Variants in CTU2 observed in about 807,000 individuals in gnomAD.
The protein encoded by CTU2 is cytoplasmic tRNA 2-thiolation protein 2.
A neutral mutation model predicts 64.1 loss-of-function variants in CTU2; 80 were observed. That is an observed-to-expected ratio of 1.25 (90% CI 1.04 to 1.50). The LOEUF (loss-of-function observed/expected upper bound fraction) is 1.50, where lower values mean the gene tolerates loss of function less well. CTU2 is among the 40% of genes most tolerant of loss of function. CTU2 has a pLI of 0.00. For synonymous variants in CTU2, 482 were observed against 285.3 expected, an observed-to-expected ratio of 1.69 and a Z score of -6.95; for missense variants, 1,110 against 690.2, an observed-to-expected ratio of 1.61 and a Z score of -6.81.
chr16:88,715,300 C>G lies in CTU2; in HGVS notation c.*49C>G, dbSNP rs1414222558. On this transcript the variant is annotated 3_prime_UTR_variant, in exon 15 of 15. Coordinates refer to ENST00000453996, the MANE Select transcript of CTU2 (RefSeq NM_001012759.3). ...CAGCAGGCAGTGGCCACCTGGTACACCACACTGGAGCCGGAAGGCAAGGAC... is the reference window on the plus strand; with the variant it reads ...CAGCAGGCAGTGGCCACCTGGTACAGCACACTGGAGCCGGAAGGCAAGGAC... The G allele has an allele frequency of 7.6e-6, 12 of 1,584,692 alleles. No homozygotes were observed. The highest frequency in any genetic ancestry group is 8.6e-6 in the Non-Finnish European group (10 of 1,163,732).
intron 1 of CTU2, 46 bp downstream of exon 1, chr16:88,706,644 G>T: frequency 1.5e-6 from 2 of 1,313,506 alleles, no homozygotes; most frequent in South Asian, 3.4e-5. Flanking sequence ...TCGCCTTCCC[G>T]CCGCACTCCT....
intron 8 of CTU2, 30 bp downstream of exon 8, chr16:88,713,477 C>T (rs200950022): frequency 1.3e-6 from 2 of 1,561,032 alleles, no homozygotes; most frequent in Non-Finnish European, 1.7e-6. Flanking sequence ...TTCAGGAGGC[C>T]CATCCTCACC....
intron 2 of CTU2, chr16:88,709,510 C>T (rs111915880): frequency 0.024 from 4,032 of 169,896 alleles, 158 homozygotes; most frequent in African/African-American, 0.09. Flanking sequence ...CTCGCTGTGG[C>T]CCGCTCCATT....
Position 88,711,709 on chromosome 16 carries a change from T to G in CTU2, c.343+14T>G, listed in dbSNP as rs1911334956. 6.2e-7 allele frequency: 1 copy of G among 1,606,396 alleles called. No individual in the cohort carries two copies. Among genetic ancestry groups the G allele is most frequent in the Non-Finnish European group, 8.5e-7 (1 of 1,174,890 alleles). On this transcript the variant is annotated intron_variant, in intron 5 of 14. Transcript: ENST00000453996. ...TCTTTGTTGACGGTATGTGGGGCCA[T>G]TGCTCCTCCTAGTCCCTGGCCACTT...
chr16:88,707,335 T>G (rs924210458), intron 2 of CTU2, 125 bp downstream of exon 2: 1 of 914,668 alleles, frequency 1.1e-6, no homozygotes, highest in African/African-American at 1.6e-5. Flanking sequence ...CTGCTCCTGA[T>G]GGGGTCCCTC....
At chr16:88,713,854 A>G (rs1911603350) in intron 9 of CTU2, 76 bp downstream of exon 9, 2 of 1,578,480 alleles carry the variant, frequency 1.3e-6, no homozygotes, top group Non-Finnish European at 1.7e-6. Context: ...AGCCTCTCAC[A>G]GGCTCAGGTC....
chr16:88,715,380 A>C lies in CTU2; in HGVS notation c.*129A>C, dbSNP rs1911908546. On this transcript the variant is annotated 3_prime_UTR_variant, in exon 15 of 15. Coordinates refer to ENST00000453996, the MANE Select transcript of CTU2 (RefSeq NM_001012759.3). ...ATAAATAAAACATTTTTTAATTAAAAAAAAAACTCTACAGTACACGTGGGG... is the reference window on the plus strand; with the variant it reads ...ATAAATAAAACATTTTTTAATTAAACAAAAAACTCTACAGTACACGTGGGG... The C allele has an allele frequency of 6.9e-6, 8 of 1,154,386 alleles. No homozygotes were observed. The highest frequency in any genetic ancestry group is 3.1e-5 in the African/African-American group (2 of 64,282). 71.5% of individuals were successfully genotyped at this position (1,154,386 alleles called of 1,614,324 possible).
At chr16:88,712,101 C>A (rs906993185) in intron 5 of CTU2, 173 bp from the exon 6 acceptor site, 4 of 718,652 alleles carry the variant, frequency 5.6e-6, no homozygotes, top group Non-Finnish European at 1.0e-5. Flanking sequence ...TGAGGTCAGC[C>A]GCAAGAGAGA....
intron 2 of CTU2, chr16:88,709,644 C>A (rs1911159305): frequency 2.3e-6 from 1 of 434,432 alleles, no homozygotes; most frequent in Non-Finnish European, 4.2e-6. Flanking sequence ...CTTCTGAGCG[C>A]CTGTGGGGAG....
chr16:88,713,541 C>G (rs576207120), intron 8 of CTU2, 94 bp downstream of exon 8: 4 of 1,376,934 alleles, frequency 2.9e-6, no homozygotes, highest in Non-Finnish European at 3.8e-6. Context: ...ATCAGTCCTG[C>G]GGCCTCGGAT....
Position 88,712,242 on chromosome 16 carries a change from G to A in CTU2, c.344-32G>A, listed in dbSNP as rs188714021. 7.1e-6 allele frequency: 11 copies of A among 1,557,270 alleles called. No individual in the cohort carries two copies. The East Asian group carries it at 7.1e-5, about 10-fold the overall frequency. On this transcript the variant is annotated intron_variant, in intron 5 of 14. Coordinates refer to ENST00000453996, the MANE Select transcript of CTU2 (RefSeq NM_001012759.3). ...AGCCTGCCCTGCCTGGCTCCTCTCT[G>A]AGCCCTGACTCTTTCTGCCTGGGTT...
chr16:88,711,941 G>A lies in CTU2; in HGVS notation c.343+246G>A, dbSNP rs1911353261. 8 of 602,996 alleles carry A rather than the reference G, an allele frequency of 1.3e-5. No individual in the cohort carries two copies. In the South Asian group the frequency reaches 1.6e-4, roughly 12 times the overall value. 37.4% of individuals were successfully genotyped at this position (602,996 alleles called of 1,614,324 possible). On this transcript the variant is annotated intron_variant, in intron 5 of 14. Coordinates refer to ENST00000453996, the MANE Select transcript of CTU2 (RefSeq NM_001012759.3). ...AGAACATCCTTAGAAAGTCGGGGGT[G>A]GGAGCAGGAGTGGCGGCTGCCCAGC...
In CTU2 at chr16:88,710,024, C is replaced by T. The variant is rs1160312574; in HGVS notation, c.222+8C>T. ...ATCTTTCCAGGCGAGAAGGTAGCGTCTGGGTCCTGGGGGTCTGACTGAGCA... is the reference window on the plus strand; with the variant it reads ...ATCTTTCCAGGCGAGAAGGTAGCGTTTGGGTCCTGGGGGTCTGACTGAGCA... On this transcript the variant is annotated splice_region_variant and intron_variant, in intron 3 of 14. Transcript: ENST00000453996. 1 of 1,613,796 alleles carries T rather than the reference C, an allele frequency of 6.2e-7. No homozygotes were observed. Among genetic ancestry groups the T allele is most frequent in the South Asian group, 1.1e-5 (1 of 91,084 alleles).
At position 88,712,297 on chromosome 16, in the gene CTU2, C is replaced by G. The variant is rs765200647; in HGVS notation, c.367C>G (p.Leu123Val). 1.2e-6 allele frequency: 2 copies of G among 1,606,876 alleles called. No homozygotes were observed. Among genetic ancestry groups the G allele is most frequent in the Admixed American group, 3.4e-5 (2 of 59,260 alleles). The change falls in exon 6 of 15, where the codon CTA becomes GTA. Residue 123 changes from leucine to valine, a missense_variant. Transcript: ENST00000453996. ...VDEGAACGQS[L>V]EERSKTLAEV... ...AGAGGGAGCAGCCTGTGGCCAGAGC[C>G]TAGAGGAGAGATCAAAGACCCTGGC... is the stretch of plus-strand genomic sequence containing the variant.
chr16:88,712,587 C>T (rs903361611), intron 6 of CTU2, 35 bp from the exon 7 acceptor site: 4 of 1,597,368 alleles, frequency 2.5e-6, no homozygotes, highest in Middle Eastern at 2.3e-4. Context: ...CTGCCCGTGT[C>T]CCGGGCCTCA....
At chr16:88,711,530 T>A (rs1911318117) in intron 4 of CTU2, 105 bp from the exon 5 acceptor site, 1 of 1,188,248 alleles carries the variant, frequency 8.4e-7, no homozygotes, top group African/African-American at 1.5e-5. Flanking sequence ...GAAGACCACT[T>A]CACCTTCCAA....
Position 88,710,409 on chromosome 16 carries a change from T to C in CTU2, c.282+127T>C, listed in dbSNP as rs570086641. 84 of 915,250 alleles carry C rather than the reference T, an allele frequency of 9.2e-5. No individual in the cohort carries two copies. In the East Asian group the frequency reaches 9.5e-4, roughly 10 times the overall value. The allele number at this position is 915,250 out of a possible 1,614,324, so 56.7% of individuals were successfully genotyped here. On this transcript the variant is annotated intron_variant, in intron 4 of 14. Coordinates refer to ENST00000453996, the MANE Select transcript of CTU2 (RefSeq NM_001012759.3). ...GCAGTCCACCCTGCGGCCTGGACAC[T>C]TGGGGGGTTCTCAGATGTGTTCACA... is the stretch of plus-strand genomic sequence containing the variant.
intron 5 of CTU2, 108 bp from the exon 6 acceptor site, chr16:88,712,166 G>A (rs957516322): frequency 1.6e-5 from 15 of 941,600 alleles, no homozygotes; most frequent in Middle Eastern, 2.1e-4. Flanking sequence ...AGGAAGCACC[G>A]CCCTGCGGAG....
rs1436882668 is a variant in CTU2, at chr16:88,710,294, C to G, written c.282+12C>G. On this transcript the variant is annotated intron_variant, in intron 4 of 14. Transcript: ENST00000453996. ...GGCAGGTTCTTGAGGTGCGTGTTCACCACCCCGTGGGCCCGGGCTGCTGGG... is the reference window on the plus strand; with the variant it reads ...GGCAGGTTCTTGAGGTGCGTGTTCAGCACCCCGTGGGCCCGGGCTGCTGGG... The G allele has an allele frequency of 1.2e-6, 2 of 1,613,756 alleles. No homozygotes were observed. The highest frequency in any genetic ancestry group is 3.3e-5 in the Admixed American group (2 of 60,012).
Sources: allele counts gnomAD v4.1 joint callset, GRCh38; gene constraint gnomAD v4.1.1; transcripts MANE v1.5; gene names NCBI Gene and HGNC (gene_info 2026-07-23, HGNC 2026-07-21).